Variants in CEP128 observed in about 807,000 individuals in gnomAD.
CEP128 encodes centrosomal protein 128kDa.
A neutral mutation model predicts 156.7 loss-of-function variants in CEP128; 132 were observed. The observed-to-expected ratio is 0.84, with a 90% CI of 0.73 to 0.97. The LOEUF is 0.97. Among genes scored for constraint, CEP128 ranks in the 50% least tolerant of loss-of-function variants. The probability of loss-of-function intolerance (pLI) is 0.00; values close to 1 mark genes in which losing one functional copy is unlikely to be tolerated. For synonymous variants in CEP128, 469 were observed against 448.9 expected, an observed-to-expected ratio of 1.04 and a Z score of -0.57; for missense variants, 1,252 against 1,281.9, an observed-to-expected ratio of 0.98 and a Z score of 0.36.
At position 80,831,291 on chromosome 14, in the gene CEP128, A is replaced by T; in HGVS notation, c.1061T>A (p.Val354Asp). ...QGEDWRFRRG[V>D]EREKQDLEKQ... ...CTCCAGGTCCTGTTTTTCCCGCTCA[A>T]CCCCTTAAAAGATAAAATGTAAGGC... The change falls in exon 13 of 25, where the codon GTT becomes GAT. Residue 354 changes from valine (V) to aspartate (D), a missense_variant. Physicochemically the swap from Val to Asp is radical, Grantham distance 152. Transcript: ENST00000555265. 2 of 1,613,734 alleles carry T rather than the reference A, an allele frequency of 1.2e-6. No homozygotes were observed. Among genetic ancestry groups the T allele is most frequent in the Non-Finnish European group, 1.7e-6 (2 of 1,179,832 alleles).
intron 15 of CEP128, among the ~76,000 whole-genome samples, chr14:80,779,938 C>T (rs1288651274): frequency 1.3e-5 from 2 of 152,182 alleles, no homozygotes; most frequent in Admixed American, 1.3e-4. Context: ...AAATGGTCAG[C>T]AAATGGCAAA....
chr14:80,691,434 T>A (rs1896716466), intron 19 of CEP128, among the ~76,000 whole-genome samples: 1 of 152,150 alleles, frequency 6.6e-6, no homozygotes, highest in African/African-American at 2.4e-5. Context: ...GGAGGATTAA[T>A]CTCTGAAGTG....
At chr14:80,681,648 C>G (rs1896328321) in intron 19 of CEP128, among the ~76,000 whole-genome samples, 1 of 152,220 alleles carries the variant, frequency 6.6e-6, no homozygotes, top group South Asian at 2.1e-4. Flanking sequence ...ATTTCCTCTT[C>G]TGGCATTCAT....
At position 80,497,488 on chromosome 14, in the gene CEP128, A is replaced by ATATTCCTCT; in HGVS notation, c.3267_3275dup (p.Glu1091_Tyr1092insTer). 1 of 1,607,098 alleles carries ATATTCCTCT rather than the reference A, an allele frequency of 6.2e-7. No individual in the cohort carries two copies. The highest frequency in any genetic ancestry group is 2.2e-5 in the East Asian group (1 of 44,742). The stretch of plus-strand genomic sequence containing the variant: ...AATTACATTTGCTTTTTTAGCTCCC[A>ATATTCCTCT]TATTCCTCTTTTTTGGGTTGTGAAC... On this transcript the variant is annotated stop_gained, in exon 25 of 25. Transcript: ENST00000555265. LOFTEE classifies it high-confidence loss of function.
intron 15 of CEP128, among the ~76,000 whole-genome samples, chr14:80,781,996 T>C (rs552881860): frequency 6.6e-6 from 1 of 152,340 alleles, no homozygotes; most frequent in Admixed American, 6.5e-5. Flanking sequence ...TCAAGAAAAC[T>C]GCAAGCTTCT....
At chr14:80,668,153 G>A (rs1895701983) in intron 19 of CEP128, among the ~76,000 whole-genome samples, 1 of 152,144 alleles carries the variant, frequency 6.6e-6, no homozygotes, top group Non-Finnish European at 1.5e-5. Flanking sequence ...AAATGAGTCT[G>A]ATTCTATCAC....
chr14:80,821,527 A>G (rs1367783095), intron 13 of CEP128, among the ~76,000 whole-genome samples: 1 of 152,096 alleles, frequency 6.6e-6, no homozygotes, highest in Non-Finnish European at 1.5e-5. Context: ...CAATAGATCC[A>G]TAGATAATAA....
rs954829111 is a variant in CEP128, at chr14:80,653,816, T to C, written c.2807-73393A>G. Among the ~76,000 whole-genome samples, 3 of 152,306 alleles carry C rather than the reference T, an allele frequency of 2.0e-5. 1 individual carries two copies. Among genetic ancestry groups the C allele is most frequent in the Non-Finnish European group, 1.5e-5 (1 of 68,028 alleles). On this transcript the variant is annotated intron_variant, in intron 19 of 24. Transcript: ENST00000555265. Reference sequence around the variant, plus strand: ...TGTGAGATGTGACCCATTAGGATCATTATATCAATTTAGTGTGTTCAGAAA... The same window carrying C: ...TGTGAGATGTGACCCATTAGGATCACTATATCAATTTAGTGTGTTCAGAAA...
intron 21 of CEP128, among the ~76,000 whole-genome samples, chr14:80,558,637 G>T (rs184717525): frequency 0.01 from 1,581 of 151,994 alleles, 33 homozygotes; most frequent in African/African-American, 0.036. Context: ...TGGCCAGGCT[G>T]GTCTCGAACT....
At chr14:80,766,803 G>A (rs932368310) in intron 16 of CEP128, among the ~76,000 whole-genome samples, 4 of 151,928 alleles carry the variant, frequency 2.6e-5, no homozygotes, top group Non-Finnish European at 5.9e-5. Flanking sequence ...CTTTACATAC[G>A]TCAACAAAGG....
At chr14:80,565,120 G>C (rs147450846) in intron 20 of CEP128, among the ~76,000 whole-genome samples, 5 of 152,170 alleles carry the variant, frequency 3.3e-5, no homozygotes, top group African/African-American at 1.2e-4. Flanking sequence ...CTGGCTTCCA[G>C]AGTCTGAACC....
intron 17 of CEP128, among the ~76,000 whole-genome samples, chr14:80,758,859 G>A (rs1899811639): frequency 6.6e-6 from 1 of 152,076 alleles, no homozygotes; most frequent in Non-Finnish European, 1.5e-5. Context: ...CTTATAACTG[G>A]GGACATGAAC....
chr14:80,892,826 GC>G (rs1268122781), intron 8 of CEP128, among the ~76,000 whole-genome samples: 1 of 151,926 alleles, frequency 6.6e-6, no homozygotes, highest in African/African-American at 2.4e-5. Flanking sequence ...TCAGGGAAAT[GC>G]AAATCAAAAC....
intron 19 of CEP128, among the ~76,000 whole-genome samples, chr14:80,607,252 G>A (rs1264579602): frequency 6.6e-6 from 1 of 151,678 alleles, no homozygotes; most frequent in East Asian, 1.9e-4. Context: ...ACTCTAAATA[G>A]GTATAAATTG....
intron 8 of CEP128, among the ~76,000 whole-genome samples, chr14:80,871,845 G>A (rs918434681): frequency 1.3e-4 from 20 of 152,058 alleles, no homozygotes; most frequent in Admixed American, 1.3e-3. Context: ...TGGCTTTTAA[G>A]ATTAGTATTT....
chr14:80,958,547 C>G (rs1181128262), intron 1 of CEP128, among the ~76,000 whole-genome samples: 2 of 151,756 alleles, frequency 1.3e-5, no homozygotes, highest in Non-Finnish European at 2.9e-5. Context: ...ACTCAGAAAG[C>G]AGGAGGTTAG....
intron 19 of CEP128, among the ~76,000 whole-genome samples, chr14:80,655,645 AAGG>A (rs1398168273): frequency 6.6e-6 from 1 of 152,194 alleles, no homozygotes; most frequent in East Asian, 1.9e-4. Context: ...AAGCTGAGTT[AAGG>A]AGAAGTATCC....
intron 13 of CEP128, among the ~76,000 whole-genome samples, chr14:80,804,088 C>A (rs1054434574): frequency 4.0e-5 from 6 of 150,758 alleles, no homozygotes; most frequent in Non-Finnish European, 1.5e-5. Context: ...TTACATTATA[C>A]TCATTTTACA....
At chr14:80,949,061 T>C (rs1376353799) in intron 2 of CEP128, among the ~76,000 whole-genome samples, 1 of 151,962 alleles carries the variant, frequency 6.6e-6, no homozygotes, top group Non-Finnish European at 1.5e-5. Flanking sequence ...AAAGGTGGAG[T>C]AACAGAGACC....
Sources: allele counts gnomAD v4.1 joint callset (sites outside exome capture counted in the v4.1 genomes callset), GRCh38; gene constraint gnomAD v4.1.1; transcripts MANE v1.5; gene names NCBI Gene and HGNC (gene_info 2026-07-23, HGNC 2026-07-21).